CFAP20DC: variants seen among roughly 807,000 people sequenced by gnomAD.
CFAP20DC encodes the protein protein CFAP20DC.
In CFAP20DC, 84 loss-of-function variants were observed where a neutral mutation model predicts 101.7. The ratio of observed to expected loss-of-function variants is 0.83; its 90% CI spans 0.69 to 0.99. CFAP20DC has a LOEUF of 0.99. CFAP20DC is among the 50% of genes least tolerant of loss of function. The pLI is 0.00. For synonymous variants in CFAP20DC, 359 were observed against 351.2 expected, an observed-to-expected ratio of 1.02 and a Z score of -0.25; for missense variants, 1,007 against 970.3, an observed-to-expected ratio of 1.04 and a Z score of -0.50.
chr3:58,750,141 C>G (rs1235202638), intron 16 of CFAP20DC, among the ~76,000 whole-genome samples: 1 of 152,164 alleles, frequency 6.6e-6, no homozygotes, highest in Non-Finnish European at 1.5e-5. Context: ...CTGGCTGTGA[C>G]ACAAACTCCT....
intron 4 of CFAP20DC, among the ~76,000 whole-genome samples, chr3:59,021,432 GTGAC>G (rs1330981893): frequency 3.9e-5 from 6 of 152,000 alleles, no homozygotes; most frequent in African/African-American, 1.4e-4. Context: ...AAGTTCTAAG[GTGAC>G]TGTCAAGTGT....
At chr3:58,720,343 T>C (rs990880025) in intron 3 of CFAP20DC, among the ~76,000 whole-genome samples, 3 of 152,220 alleles carry the variant, frequency 2.0e-5, no homozygotes, top group African/African-American at 4.8e-5. Flanking sequence ...CAAGTGGCTA[T>C]AAACATACCA....
intron 11 of CFAP20DC, among the ~76,000 whole-genome samples, chr3:58,866,332 T>A (rs2079686057): frequency 6.6e-6 from 1 of 152,190 alleles, no homozygotes; most frequent in Non-Finnish European, 1.5e-5. Flanking sequence ...ATGTCAGTTT[T>A]AAACTTTCAT....
At position 59,013,246 on chromosome 3, in the gene CFAP20DC, A is replaced by G. The variant is rs115763476; in HGVS notation, c.278+26311T>C. ...TGGGCTCTTTGCTGTCCTGACCAAA[A>G]TTCTGTTCAAGAAAGAAGAGAAAAA... On this transcript the variant is annotated intron_variant, in intron 4 of 16. Coordinates refer to ENST00000482387, the MANE Select transcript of CFAP20DC (RefSeq NM_001394063.1). 4.7e-3 allele frequency among the ~76,000 whole-genome samples: 717 copies of G among 152,256 alleles called. 3 individuals carry two copies. Among genetic ancestry groups the G allele is most frequent in the African/African-American group, 0.017 (690 of 41,568 alleles).
intron 3 of CFAP20DC, among the ~76,000 whole-genome samples, chr3:58,719,106 T>C (rs1439618720): frequency 6.6e-6 from 1 of 152,118 alleles, no homozygotes; most frequent in Non-Finnish European, 1.5e-5. Flanking sequence ...TAGCCAGGTA[T>C]GGTGGCACAC....
At chr3:58,771,294 A>C (rs767757557) in intron 15 of CFAP20DC, among the ~76,000 whole-genome samples, 3 of 152,102 alleles carry the variant, frequency 2.0e-5, no homozygotes, top group Non-Finnish European at 4.4e-5. Context: ...AGAAATACCT[A>C]ATGTAGGTGA....
intron 4 of CFAP20DC, among the ~76,000 whole-genome samples, chr3:58,955,546 T>A (rs2090550618): frequency 1.3e-5 from 2 of 152,062 alleles, no homozygotes; most frequent in Admixed American, 1.3e-4. Flanking sequence ...AAATCACTGA[T>A]CCCAGCAATT....
At chr3:58,826,423 G>C (rs1368092912) in intron 14 of CFAP20DC, among the ~76,000 whole-genome samples, 1 of 152,022 alleles carries the variant, frequency 6.6e-6, no homozygotes, top group Non-Finnish European at 1.5e-5. Flanking sequence ...TCTACATTAG[G>C]TATTTCTCCT....
rs547714696 is a variant in CFAP20DC, at chr3:58,812,561, G to T, written c.2176-6105C>A. On this transcript the variant is annotated intron_variant, in intron 14 of 16. Transcript: ENST00000482387. ...CACAGTCTGGGGACTGTTGTGGGGT[G>T]GGGGGAGCGGGGAGGGATAGCATTA... 4.0e-5 allele frequency among the ~76,000 whole-genome samples: 6 copies of T among 151,748 alleles called. No individual in the cohort carries two copies. In the East Asian group the frequency reaches 7.7e-4, roughly 20 times the overall value.
intron 4 of CFAP20DC, among the ~76,000 whole-genome samples, chr3:58,972,963 T>G (rs886224975): frequency 7.9e-5 from 12 of 152,212 alleles, no homozygotes. Context: ...ATTTTCATTT[T>G]CCTTTTCTCT....
intron 4 of CFAP20DC, among the ~76,000 whole-genome samples, chr3:59,020,806 G>A (rs1366684109): frequency 6.6e-6 from 1 of 152,048 alleles, no homozygotes; most frequent in Non-Finnish European, 1.5e-5. Context: ...CCAAATAGGG[G>A]CTGTTTGTTC....
chr3:58,885,553 GT>G (rs1231989464), intron 6 of CFAP20DC, among the ~76,000 whole-genome samples: 1 of 150,570 alleles, frequency 6.6e-6, no homozygotes. Flanking sequence ...TCTTACAGTG[GT>G]ATTCCTCTTA....
intron 4 of CFAP20DC, among the ~76,000 whole-genome samples, chr3:58,969,612 C>A (rs1303636258): frequency 6.6e-6 from 1 of 152,104 alleles, no homozygotes; most frequent in Non-Finnish European, 1.5e-5. Flanking sequence ...TATGGTATAT[C>A]CATACAATGT....
At chr3:59,027,405 T>G (rs1176131692) in intron 4 of CFAP20DC, among the ~76,000 whole-genome samples, 1 of 152,166 alleles carries the variant, frequency 6.6e-6, no homozygotes, top group Admixed American at 6.6e-5. Context: ...ACCCAAGGGC[T>G]AAGAATCCTA....
At chr3:58,949,251 A>AT (rs1459532959) in intron 4 of CFAP20DC, among the ~76,000 whole-genome samples, 3 of 151,976 alleles carry the variant, frequency 2.0e-5, no homozygotes, top group South Asian at 2.1e-4. Flanking sequence ...GGATTCATCG[A>AT]TTTTTTGAAG....
intron 4 of CFAP20DC, among the ~76,000 whole-genome samples, chr3:59,011,648 C>T (rs925924736): frequency 1.9e-4 from 29 of 151,938 alleles, no homozygotes; most frequent in African/African-American, 5.1e-4. Flanking sequence ...AAAAAAAATA[C>T]GAAAGATAAG....
chr3:58,999,991 A>G (rs1206077556), intron 4 of CFAP20DC, among the ~76,000 whole-genome samples: 1 of 152,114 alleles, frequency 6.6e-6, no homozygotes, highest in Admixed American at 6.6e-5. Context: ...CATCACAACC[A>G]TATGGAATAA....
intron 4 of CFAP20DC, among the ~76,000 whole-genome samples, chr3:58,979,056 T>G (rs1401028501): frequency 6.6e-6 from 1 of 152,186 alleles, no homozygotes; most frequent in East Asian, 1.9e-4. Flanking sequence ...TACAGCTAAG[T>G]TACTTTCCAC....
intron 4 of CFAP20DC, among the ~76,000 whole-genome samples, chr3:59,010,189 A>G (rs934830848): frequency 2.0e-5 from 3 of 152,164 alleles, no homozygotes. Context: ...CATGACAAAT[A>G]GAATAGTACC....
Sources: gnomAD v4.1 joint callset for allele counts (sites outside exome capture counted in the v4.1 genomes callset) on GRCh38, gnomAD v4.1.1 for gene constraint, MANE v1.5 for transcripts, NCBI Gene and HGNC (gene_info 2026-07-23, HGNC 2026-07-21) for gene names.